Variants in SCN11A observed in about 807,000 individuals in gnomAD.
SCN11A encodes the protein sodium voltage-gated channel alpha subunit 11.
Under a neutral mutation model 162.2 loss-of-function variants are expected in SCN11A, and 122 were observed. That is an observed-to-expected ratio of 0.75 (90% CI 0.65 to 0.87). The LOEUF (loss-of-function observed/expected upper bound fraction) is 0.87. SCN11A is among the 40% of genes least tolerant of loss of function. The pLI is 0.00. For synonymous variants in SCN11A, 758 were observed against 751.5 expected, an observed-to-expected ratio of 1.01 and a Z score of -0.14; for missense variants, 2,015 against 2,181.6, an observed-to-expected ratio of 0.92 and a Z score of 1.52.
chr3:39,039,098 CCTT>C (rs375652577), intron 1 of SCN11A, among the ~76,000 whole-genome samples: 7 of 152,150 alleles, frequency 4.6e-5, no homozygotes, highest in East Asian at 1.9e-4. Context: ...CTCTCTTTCA[CCTT>C]CTTCTTCTCT....
rs528292781 is a variant in SCN11A, at chr3:39,021,064, C to T, written c.-280+11316G>A. ...TTAAAAAAAAAAATAAGCTTATGCA[C>T]ATTAAAATTTTAATAAGTTTATTTG... is the stretch of plus-strand genomic sequence containing the variant. On this transcript the variant is annotated intron_variant, in intron 2 of 29. Transcript: ENST00000302328. Among the ~76,000 whole-genome samples, 21 of 151,904 alleles carry T rather than the reference C, an allele frequency of 1.4e-4. 2 individuals carry two copies. The South Asian group carries it at 3.3e-3, about 24-fold the overall frequency.
At chr3:38,875,115 G>C (rs1017239410) in intron 23 of SCN11A, among the ~76,000 whole-genome samples, 1 of 152,082 alleles carries the variant, frequency 6.6e-6, no homozygotes, top group Admixed American at 6.6e-5. Flanking sequence ...CTTGTTTCAG[G>C]TCATACAGCT....
intron 23 of SCN11A, among the ~76,000 whole-genome samples, chr3:38,874,851 A>G (rs2065183740): frequency 6.6e-6 from 1 of 152,172 alleles, no homozygotes. Flanking sequence ...CTGTAATTAG[A>G]GTATTGTTGA....
chr3:39,043,021 T>C (rs1186829880), intron 1 of SCN11A, among the ~76,000 whole-genome samples: 1 of 150,392 alleles, frequency 6.6e-6, no homozygotes, highest in Non-Finnish European at 1.5e-5. Flanking sequence ...GACTAGACAT[T>C]TCTCAAAACA....
At chr3:38,912,588 C>G (rs909032613) in intron 11 of SCN11A, among the ~76,000 whole-genome samples, 2 of 152,066 alleles carry the variant, frequency 1.3e-5, no homozygotes, top group Non-Finnish European at 2.9e-5. Context: ...GGTACTAAGC[C>G]TAGTACCCAA....
chr3:38,961,984 A>AT (rs978779759), intron 2 of SCN11A, among the ~76,000 whole-genome samples: 60 of 152,314 alleles, frequency 3.9e-4, no homozygotes, highest in African/African-American at 1.4e-3. Context: ...GTCTTCTAGA[A>AT]TTTTTATAGT....
chr3:38,850,875 A>G (rs2064767571), intron 28 of SCN11A, 124 bp from the exon 29 acceptor site: 3 of 727,520 alleles, frequency 4.1e-6, no homozygotes, highest in Non-Finnish European at 6.3e-6. Flanking sequence ...TGAAAAATAC[A>G]CAGACCCTTT....
At chr3:39,050,757 T>C (rs1330641964) in intron 1 of SCN11A, among the ~76,000 whole-genome samples, 1 of 152,220 alleles carries the variant, frequency 6.6e-6, no homozygotes, top group Non-Finnish European at 1.5e-5. Context: ...CATTTCAACA[T>C]GAAATCAATA....
intron 13 of SCN11A, among the ~76,000 whole-genome samples, chr3:38,908,387 C>T (rs1264692340): frequency 6.6e-6 from 1 of 152,160 alleles, no homozygotes; most frequent in South Asian, 2.1e-4. Context: ...GTCCAGTATG[C>T]GCTAGGCACT....
intron 28 of SCN11A, among the ~76,000 whole-genome samples, chr3:38,862,349 A>G (rs2064977727): frequency 6.6e-6 from 1 of 152,226 alleles, no homozygotes; most frequent in South Asian, 2.1e-4. Flanking sequence ...AAAGATCCAA[A>G]AGTAGAACTA....
In SCN11A at chr3:38,871,400, G is replaced by A. The variant is rs761218114; in HGVS notation, c.3759+45C>T. ...GCTGAGAAACAATTCATGATTCTCT[G>A]AAGGTTTTTCTCCTCAGAGTGAAAA... On this transcript the variant is annotated intron_variant, in intron 25 of 29. Coordinates refer to ENST00000302328, the MANE Select transcript of SCN11A (RefSeq NM_001349253.2). The A allele has an allele frequency of 6.3e-5, 96 of 1,514,752 alleles. No homozygotes were observed. The East Asian group carries it at 1.7e-3, about 27-fold the overall frequency. The allele number at this position is 1,514,752 out of a possible 1,614,324, so 93.8% of individuals were successfully genotyped here.
rs2066586435 is a variant in SCN11A, at chr3:38,950,097, T to C, written c.266A>G (p.Lys89Arg). The part of the protein sequence containing the change: ...EDLDPFYRNH[K>R]TFMVLNRKRT... ...CCCCCCCCCCGCCCAATGAAGTACC[T>C]TATGATTTCGGTAGAATGGGTCCAA... Residue 89 changes from lysine to arginine, a missense_variant and splice_region_variant, in exon 5 of 30, where the codon AAG (lysine) becomes AGG (arginine). Physicochemically the swap from Lys to Arg is conservative, Grantham distance 26. Transcript: ENST00000302328. 2.3e-5 allele frequency: 15 copies of C among 643,960 alleles called. No individual in the cohort carries two copies. The highest frequency in any genetic ancestry group is 3.4e-5 in the Non-Finnish European group (15 of 443,356). The allele number at this position is 643,960 out of a possible 1,614,324, so 39.9% of individuals were successfully genotyped here. A position where few individuals can be genotyped will look rare whatever the true frequency, so the allele number is the denominator to read the frequency against.
At chr3:38,929,172 C>CACAT (rs139558791) in intron 7 of SCN11A, among the ~76,000 whole-genome samples, 7,482 of 79,776 alleles carry the variant, frequency 0.094, 220 homozygotes, top group East Asian at 0.12. Flanking sequence ...CACACACACA[C>CACAT]ATGTTTGGGA....
At chr3:38,990,412 C>T (rs944637820) in intron 2 of SCN11A, among the ~76,000 whole-genome samples, 5 of 152,102 alleles carry the variant, frequency 3.3e-5, no homozygotes, top group Non-Finnish European at 7.4e-5. Flanking sequence ...AAAGGCATGG[C>T]GCCTGCCCTC....
In SCN11A at chr3:38,925,458, G is replaced by A. The variant is rs1380877521; in HGVS notation, c.669C>T (p.Thr223=). 1 of 1,613,908 alleles carries A rather than the reference G, an allele frequency of 6.2e-7. No individual in the cohort carries two copies. Among genetic ancestry groups the A allele is most frequent in the Admixed American group, 1.7e-5 (1 of 60,016 alleles). ...CTTTCAAAGCTCTGAACACACGGAA[G>A]GTACGCAGGGGCAATAGTTTGATGG... ...GITIKLLPLR[T]FRVFRALKAI... Residue 223 remains threonine, a synonymous_variant, in exon 9 of 30, where the codon ACC becomes ACT. Coordinates refer to ENST00000302328, the MANE Select transcript of SCN11A (RefSeq NM_001349253.2).
intron 11 of SCN11A, among the ~76,000 whole-genome samples, chr3:38,914,700 A>C (rs1200750644): frequency 6.6e-6 from 1 of 152,094 alleles, no homozygotes; most frequent in East Asian, 1.9e-4. Flanking sequence ...ACATGAATGG[A>C]TGTTGAGTTT....
At chr3:38,854,025 C>T (rs2064827379) in intron 28 of SCN11A, among the ~76,000 whole-genome samples, 3 of 152,058 alleles carry the variant, frequency 2.0e-5, no homozygotes, top group African/African-American at 7.2e-5. Context: ...TAGGACAAAT[C>T]CAGTGACCTA....
chr3:38,907,338 G>GTA (rs2065811680), intron 14 of SCN11A, among the ~76,000 whole-genome samples: 1 of 10,836 alleles, frequency 9.2e-5, no homozygotes, highest in Non-Finnish European at 5.3e-4. Flanking sequence ...GTGTGTGTGT[G>GTA]TGTGTATATA....
intron 6 of SCN11A, among the ~76,000 whole-genome samples, chr3:38,945,751 G>A (rs1212870551): frequency 2.0e-5 from 3 of 152,164 alleles, no homozygotes; most frequent in Non-Finnish European, 2.9e-5. Flanking sequence ...GACTGACTTA[G>A]GCCCTTGCTT....
Sources: allele counts gnomAD v4.1 joint callset (sites outside exome capture counted in the v4.1 genomes callset), GRCh38; gene constraint gnomAD v4.1.1; transcripts MANE v1.5; gene names NCBI Gene and HGNC (gene_info 2026-07-23, HGNC 2026-07-21).